EML4: variants seen among roughly 807,000 people sequenced by gnomAD.
The protein encoded by EML4 is echinoderm microtubule-associated protein-like 4.
EML4 carries 72 observed loss-of-function variants against 129.0 expected under a neutral mutation model. The observed-to-expected ratio is 0.56, with a 90% CI of 0.46 to 0.68. The LOEUF (loss-of-function observed/expected upper bound fraction) is 0.68. Ranked by LOEUF, EML4 falls within the 30% of genes least tolerant of loss-of-function variation. The pLI, the probability that EML4 is intolerant of heterozygous loss-of-function variation, is 0.00. For missense variants in EML4, 1,363 were observed against 1,190.6 expected, an observed-to-expected ratio of 1.14 and a Z score of -2.13; for synonymous variants, 532 against 405.0, an observed-to-expected ratio of 1.31 and a Z score of -3.77.
chr2:42,218,977 T>C (rs1673381472), intron 1 of EML4, among the ~76,000 whole-genome samples: 1 of 152,212 alleles, frequency 6.6e-6, no homozygotes, highest in African/African-American at 2.4e-5. Flanking sequence ...TAAAAACTTT[T>C]AATGTAAGGT....
chr2:42,257,905 C>A (rs115159531), intron 3 of EML4, among the ~76,000 whole-genome samples: 2,349 of 152,000 alleles, frequency 0.015, 51 homozygotes, highest in African/African-American at 0.053. Context: ...TCTAGACTTT[C>A]CCCTACAAAG....
chr2:42,245,042 A>T (rs1675292544), intron 1 of EML4, among the ~76,000 whole-genome samples: 1 of 146,992 alleles, frequency 6.8e-6, no homozygotes. Flanking sequence ...AGAAGTTAAT[A>T]TGTGTCAACA....
intron 1 of EML4, among the ~76,000 whole-genome samples, chr2:42,174,048 A>G (rs1324143497): frequency 6.6e-6 from 1 of 152,178 alleles, no homozygotes; most frequent in East Asian, 1.9e-4. Context: ...ATAATTTAGC[A>G]GTTTAAATTC....
At chr2:42,249,482 A>G (rs137888571) in intron 2 of EML4, among the ~76,000 whole-genome samples, 2 of 152,292 alleles carry the variant, frequency 1.3e-5, no homozygotes, top group Admixed American at 6.5e-5. Flanking sequence ...GGACAAGTCA[A>G]CTTCCCTATT....
chr2:42,313,783 T>A (rs2103778012), intron 17 of EML4, among the ~76,000 whole-genome samples: 1 of 151,596 alleles, frequency 6.6e-6, no homozygotes, highest in East Asian at 2.0e-4. Context: ...CAGAAAATTA[T>A]CTGGGCGTGG....
intron 6 of EML4, among the ~76,000 whole-genome samples, chr2:42,280,538 T>A (rs1047186392): frequency 2.6e-5 from 4 of 152,188 alleles, no homozygotes; most frequent in Non-Finnish European, 4.4e-5. Flanking sequence ...CAACAACTAT[T>A]TACATAGCAT....
At chr2:42,295,644 G>T in intron 13 of EML4, 128 bp downstream of exon 13, 13 of 673,320 alleles carry the variant, frequency 1.9e-5, no homozygotes, top group Admixed American at 3.4e-5. Flanking sequence ...CATACCTTTT[G>T]TTTTCAGCAT....
chr2:42,291,440 A>G (rs1300410724), intron 11 of EML4, among the ~76,000 whole-genome samples: 2 of 132,842 alleles, frequency 1.5e-5, no homozygotes, highest in Non-Finnish European at 3.1e-5. Context: ...TCATTCTGTC[A>G]CCCATGCTGG....
intron 1 of EML4, among the ~76,000 whole-genome samples, chr2:42,238,247 A>C (rs1222493854): frequency 6.6e-6 from 1 of 152,230 alleles, no homozygotes; most frequent in Non-Finnish European, 1.5e-5. Context: ...AATTCAGATA[A>C]GGGATACTCA....
intron 11 of EML4, among the ~76,000 whole-genome samples, chr2:42,290,738 AT>A (rs921353515): frequency 1.2e-4 from 18 of 152,074 alleles, no homozygotes; most frequent in African/African-American, 3.9e-4. Context: ...TCTCAAAAAA[AT>A]TTTTTTTAAT....
chr2:42,174,845 T>C (rs1426098596), intron 1 of EML4, among the ~76,000 whole-genome samples: 1 of 151,876 alleles, frequency 6.6e-6, no homozygotes, highest in Non-Finnish European at 1.5e-5. Context: ...TGAGACAGAG[T>C]CTTGCTCTGT....
chr2:42,284,126 A>C (rs968532218), intron 8 of EML4, among the ~76,000 whole-genome samples: 3 of 152,236 alleles, frequency 2.0e-5, no homozygotes, highest in Admixed American at 2.0e-4. Flanking sequence ...AGAACTAATT[A>C]AAAGATTGAA....
At chr2:42,296,580 C>T (rs1345681872) in intron 13 of EML4, among the ~76,000 whole-genome samples, 2 of 152,176 alleles carry the variant, frequency 1.3e-5, no homozygotes, top group Non-Finnish European at 1.5e-5. Context: ...CAGAAAGACC[C>T]GATTTACATA....
At chr2:42,231,029 AC>A (rs1309276527) in intron 1 of EML4, among the ~76,000 whole-genome samples, 2 of 151,586 alleles carry the variant, frequency 1.3e-5, no homozygotes, top group Non-Finnish European at 2.9e-5. Flanking sequence ...CACTCTCTTC[AC>A]CCCCGTCTGG....
intron 1 of EML4, among the ~76,000 whole-genome samples, chr2:42,181,972 C>G (rs369391726): frequency 6.6e-6 from 1 of 152,084 alleles, no homozygotes; most frequent in African/African-American, 2.4e-5. Context: ...ATAGTTACAG[C>G]TATATTTTTA....
At position 42,332,477 on chromosome 2, in the gene EML4, T is replaced by C. The variant is rs952549522; in HGVS notation, c.*2270T>C. The C allele has an allele frequency of 2.6e-5, 5 of 193,574 alleles. No homozygotes were observed. The highest frequency in any genetic ancestry group is 4.3e-5 in the Non-Finnish European group (4 of 92,528). The allele number at this position is 193,574 out of a possible 1,614,324, so 12.0% of individuals were successfully genotyped here. A position where few individuals can be genotyped will look rare whatever the true frequency, so the allele number is the denominator to read the frequency against. On this transcript the variant is annotated 3_prime_UTR_variant, in exon 23 of 23. Transcript: ENST00000318522. ...TGAAGATGTTGAGCCATTGCTATCA[T>C]GCATTCCTGTCTCATGGCAGAAAAT...
At chr2:42,238,145 C>G (rs552276104) in intron 1 of EML4, among the ~76,000 whole-genome samples, 26 of 152,272 alleles carry the variant, frequency 1.7e-4, no homozygotes, top group African/African-American at 6.3e-4. Context: ...TGTAGTTAGA[C>G]TTGGATCCCC....
intron 1 of EML4, among the ~76,000 whole-genome samples, chr2:42,185,752 G>C (rs1189600421): frequency 6.6e-6 from 1 of 152,124 alleles, no homozygotes. Flanking sequence ...ATCAAGTTTG[G>C]ATTTTAGAAA....
rs756827810 is a variant in EML4 at position 42,264,114 on chromosome 2, T to G, written c.642-592T>G. Among the ~76,000 whole-genome samples, 702 of 143,512 alleles carry G rather than the reference T, an allele frequency of 4.9e-3. 6 individuals carry two copies. Among genetic ancestry groups the G allele is most frequent in the South Asian group, 0.016 (69 of 4,296 alleles). 94.1% of individuals were successfully genotyped at this position (143,512 alleles called of 152,430 possible). On this transcript the variant is annotated intron_variant, in intron 5 of 22. Transcript: ENST00000318522. Reference sequence around the variant, plus strand: ...CTCAAACAATACGTGTTTTTTTTTTTTTTTTTTTTTTTTTTGAGACAGTGT... The same window carrying G: ...CTCAAACAATACGTGTTTTTTTTTTGTTTTTTTTTTTTTTTGAGACAGTGT...
Sources: allele counts gnomAD v4.1 joint callset (sites outside exome capture counted in the v4.1 genomes callset), GRCh38; gene constraint gnomAD v4.1.1; transcripts MANE v1.5; gene names NCBI Gene and HGNC (gene_info 2026-07-23, HGNC 2026-07-21).